Variants in SETD2 observed in about 807,000 individuals in gnomAD.
The protein encoded by SETD2 is histone-lysine N-methyltransferase SETD2.
SETD2 carries 31 observed loss-of-function variants against 242.1 expected under a neutral mutation model. The ratio of observed to expected loss-of-function variants is 0.13; its 90% CI spans 0.10 to 0.17. SETD2 has a LOEUF of 0.17. Ranked by LOEUF, SETD2 falls within the 10% of genes least tolerant of loss-of-function variation. The pLI is 1.00. For synonymous variants in SETD2, 1,006 were observed against 1,066.5 expected, an observed-to-expected ratio of 0.94 and a Z score of 1.11; for missense variants, 2,481 against 3,046.3, an observed-to-expected ratio of 0.81 and a Z score of 4.37.
intron 1 of SETD2, among the ~76,000 whole-genome samples, chr3:47,133,596 G>A (rs2043527336): frequency 6.6e-6 from 1 of 152,054 alleles, no homozygotes; most frequent in Non-Finnish European, 1.5e-5. Flanking sequence ...AGCCAGGCGT[G>A]GTGGCACATG....
chr3:47,111,818 T>C (rs1227096710), intron 5 of SETD2, among the ~76,000 whole-genome samples: 1 of 151,906 alleles, frequency 6.6e-6, no homozygotes, highest in Non-Finnish European at 1.5e-5. Flanking sequence ...ACTAAATTAT[T>C]GCCAAGGGGA....
intron 1 of SETD2, among the ~76,000 whole-genome samples, chr3:47,138,112 C>CA (rs2043635056): frequency 6.7e-6 from 1 of 148,400 alleles, no homozygotes; most frequent in Non-Finnish European, 1.5e-5. Flanking sequence ...GCTGGGACTA[C>CA]AGGCGCCCGC....
intron 1 of SETD2, among the ~76,000 whole-genome samples, chr3:47,148,094 G>C (rs111714919): frequency 2.3e-5 from 3 of 131,656 alleles, no homozygotes; most frequent in African/African-American, 9.0e-5. Flanking sequence ...ACTGAAACTT[G>C]TTTTTTTGGT....
intron 1 of SETD2, among the ~76,000 whole-genome samples, chr3:47,132,200 T>C (rs886846815): frequency 4.0e-5 from 6 of 151,064 alleles, no homozygotes; most frequent in Non-Finnish European, 5.9e-5. Context: ...TGGCGCAATC[T>C]TGGCTCACTG....
chr3:47,162,284 A>T (rs73831482), intron 1 of SETD2, among the ~76,000 whole-genome samples: 6,455 of 151,786 alleles, frequency 0.043, 473 homozygotes, highest in African/African-American at 0.15. Context: ...GTGATATAAA[A>T]TTTTTTTTGA....
intron 12 of SETD2, among the ~76,000 whole-genome samples, chr3:47,069,354 C>A (rs777838166): frequency 1.3e-5 from 2 of 152,170 alleles, no homozygotes; most frequent in African/African-American, 2.4e-5. Context: ...CCCTTAACCT[C>A]TCCTTCCTAT....
intron 5 of SETD2, among the ~76,000 whole-genome samples, chr3:47,112,060 C>T (rs2042673829): frequency 6.6e-6 from 1 of 151,104 alleles, no homozygotes; most frequent in South Asian, 2.1e-4. Context: ...ACCATAAACA[C>T]ATGTAATCTG....
In SETD2 at chr3:47,163,939, GACGGCGACGCGAGCCCCCTCCCCGCAGC is replaced by G; in HGVS notation, c.-43_-16del. 1 of 1,288,478 alleles carries G rather than the reference GACGGCGACGCGAGCCCCCTCCCCGCAGC, an allele frequency of 7.8e-7. No individual in the cohort carries two copies. The highest frequency in any genetic ancestry group is 9.9e-7 in the Non-Finnish European group (1 of 1,012,510). 79.8% of individuals were successfully genotyped at this position (1,288,478 alleles called of 1,614,324 possible). On this transcript the variant is annotated 5_prime_UTR_variant, in exon 1 of 21. Coordinates refer to ENST00000409792, the MANE Select transcript of SETD2 (RefSeq NM_014159.7). ...AGCTGCTTCATCGGGAGCGGCTGGA[GACGGCGACGCGAGCCCCCTCCCCGCAGC>G]AGGGCGACGCGGGGGAGGGGAGGGG... is the stretch of plus-strand genomic sequence containing the variant.
At chr3:47,037,494 G>A (rs1559651694) in intron 18 of SETD2, among the ~76,000 whole-genome samples, 172 bp downstream of exon 18, 1 of 151,742 alleles carries the variant, frequency 6.6e-6, no homozygotes, top group Non-Finnish European at 1.5e-5. Context: ...GTATTCCATG[G>A]TGTATATGTA....
In SETD2 at chr3:47,108,993, T is replaced by C. The variant is rs1429217118; in HGVS notation, c.4716-2873A>G. Among the ~76,000 whole-genome samples, 4 of 152,174 alleles carry C rather than the reference T, an allele frequency of 2.6e-5. No individual in the cohort carries two copies. In the East Asian group the frequency reaches 7.7e-4, roughly 29 times the overall value. ...GCAATGAGAAGTGTGATTCTTATGA[T>C]TCTTATTAATCTTTTTCTAAGCCTG... On this transcript the variant is annotated intron_variant, in intron 5 of 20. Coordinates refer to ENST00000409792, the MANE Select transcript of SETD2 (RefSeq NM_014159.7).
At chr3:47,090,160 T>C (rs559427447) in intron 9 of SETD2, among the ~76,000 whole-genome samples, 2 of 152,036 alleles carry the variant, frequency 1.3e-5, no homozygotes, top group Admixed American at 1.3e-4. Flanking sequence ...GGCAGGAGAA[T>C]AGCTTGAACC....
At chr3:47,143,581 C>T (rs1376405841) in intron 1 of SETD2, among the ~76,000 whole-genome samples, 4 of 152,248 alleles carry the variant, frequency 2.6e-5, no homozygotes, top group Non-Finnish European at 4.4e-5. Context: ...CTGTAAGTTG[C>T]TCATTATTAA....
intron 4 of SETD2, among the ~76,000 whole-genome samples, chr3:47,114,775 A>C (rs1482230086): frequency 6.7e-6 from 1 of 148,214 alleles, no homozygotes; most frequent in Admixed American, 6.8e-5. Flanking sequence ...GCTACTTGGG[A>C]GGCTGAGGCA....
chr3:47,042,085 G>A lies in SETD2; in HGVS notation c.7238+476C>T, dbSNP rs189548825. Among the ~76,000 whole-genome samples, 8 of 152,292 alleles carry A rather than the reference G, an allele frequency of 5.3e-5. No homozygotes were observed. In the East Asian group the frequency reaches 1.5e-3, roughly 29 times the overall value. ...ATTAGAAATACACCAAAACTGCCAG[G>A]TGCAGGGGCTCAATCCCAGCACTTT... On this transcript the variant is annotated intron_variant, in intron 17 of 20. Coordinates refer to ENST00000409792, the MANE Select transcript of SETD2 (RefSeq NM_014159.7).
chr3:47,161,126 T>A (rs1322140564), intron 1 of SETD2, among the ~76,000 whole-genome samples: 2 of 152,222 alleles, frequency 1.3e-5, no homozygotes, highest in Non-Finnish European at 2.9e-5. Context: ...CCCTGAGCCA[T>A]GTTGCCCACC....
chr3:47,104,806 T>C (rs1274962697), intron 6 of SETD2, among the ~76,000 whole-genome samples: 1 of 152,220 alleles, frequency 6.6e-6, no homozygotes, highest in African/African-American at 2.4e-5. Context: ...GTGTAGTGGT[T>C]CATGCCTGTA....
chr3:47,077,515 G>C (rs1320962151), intron 12 of SETD2, among the ~76,000 whole-genome samples: 2 of 152,070 alleles, frequency 1.3e-5, no homozygotes, highest in African/African-American at 4.8e-5. Context: ...TTCAAAGGAG[G>C]GTATGGTGTC....
upstream of SETD2, chr3:47,164,721 G>A (rs984583441): frequency 3.1e-4 from 47 of 152,278 alleles, no homozygotes; most frequent in African/African-American, 1.1e-3. This position sits in a 1 kb window ranked among gnomAD's most constrained non-coding sequence, Gnocchi z 5.4. Context: ...GAAGCCCAGC[G>A]AGGCGGGGGA....
intron 1 of SETD2, among the ~76,000 whole-genome samples, chr3:47,147,323 ATTTTTTT>A (rs538113130): frequency 7.9e-6 from 1 of 126,198 alleles, no homozygotes; most frequent in African/African-American, 3.0e-5. Context: ...ACTGCATGTC[ATTTTTTT>A]TTTTTTTTTT....
Sources: gnomAD v4.1 joint callset for allele counts (sites outside exome capture counted in the v4.1 genomes callset) on GRCh38, gnomAD v4.1.1 for gene constraint, Gnocchi (gnomAD v3.1) non-coding constraint, MANE v1.5 for transcripts, NCBI Gene and HGNC (gene_info 2026-07-23, HGNC 2026-07-21) for gene names.